HDAC8: variants seen among roughly 807,000 people sequenced by gnomAD.
HDAC8 encodes the protein histone deacetylase-like 1.
A neutral mutation model predicts 32.2 loss-of-function variants in HDAC8; 1 was observed. The ratio of observed to expected loss-of-function variants is 0.03; its 90% CI spans 0.01 to 0.15. The LOEUF (loss-of-function observed/expected upper bound fraction) is 0.15. Ranked by LOEUF, HDAC8 falls within the 10% of genes least tolerant of loss-of-function variation. HDAC8 has a pLI of 1.00. For synonymous variants in HDAC8, 108 were observed against 113.9 expected (o/e 0.95, Z 0.33); for missense variants, 117 against 300.0 (o/e 0.39, Z 4.51).
chrX:72,482,385 T>G (rs2048535073), intron 7 of HDAC8, among the ~76,000 whole-genome samples: 1 of 112,289 alleles, frequency 8.9e-6, no homozygotes, highest in South Asian at 3.7e-4. Flanking sequence ...TTTTACAGAA[T>G]CTGCATGTTT....
chrX:72,335,953 A>C (rs917519322), intron 10 of HDAC8, among the ~76,000 whole-genome samples: 4 of 109,944 alleles, frequency 3.6e-5, no homozygotes, highest in South Asian at 4.0e-4. Context: ...CAACAACAAC[A>C]ACCCAAACAA....
Position 72,462,105 on chromosome X carries a change from C to A in HDAC8, c.911-7G>T. The A allele has an allele frequency of 8.5e-7, 1 of 1,176,715 alleles. No homozygotes were observed. The highest frequency in any genetic ancestry group is 1.2e-6 in the Non-Finnish European group (1 of 865,299). ...TTGGCAAGGTTATAGCCTCCTGTCT[C>A]CATCAAGAATTGTGAAGTTAGGAAA... On this transcript the variant is annotated splice_region_variant and splice_polypyrimidine_tract_variant and intron_variant, in intron 8 of 10. Transcript: ENST00000373573.
chrX:72,350,743 G>A (rs782646554), intron 10 of HDAC8, among the ~76,000 whole-genome samples: 39 of 112,506 alleles, frequency 3.5e-4, no homozygotes, highest in Non-Finnish European at 6.2e-4. Context: ...CAGAGGGGGC[G>A]CTACTAGAAT....
chrX:72,400,193 C>G (rs1295713744), intron 9 of HDAC8, among the ~76,000 whole-genome samples: 2 of 111,561 alleles, frequency 1.8e-5, no homozygotes, highest in African/African-American at 6.5e-5. Flanking sequence ...CTCTAGATAT[C>G]TTCTCTTCTC....
chrX:72,439,425 C>T (rs1425666862), intron 9 of HDAC8, among the ~76,000 whole-genome samples: 1 of 110,786 alleles, frequency 9.0e-6, no homozygotes, highest in Non-Finnish European at 1.9e-5. Context: ...CAATAACCAG[C>T]TAGCATCATA....
chrX:72,516,039 C>T (rs1556024843), intron 4 of HDAC8, among the ~76,000 whole-genome samples: 3 of 111,800 alleles, frequency 2.7e-5, no homozygotes, highest in Admixed American at 9.4e-5. Context: ...GCTTGTAGGC[C>T]ACTGCAAGGA....
At chrX:72,403,967 G>C (rs2045973839) in intron 9 of HDAC8, among the ~76,000 whole-genome samples, 1 of 109,956 alleles carries the variant, frequency 9.1e-6, no homozygotes, top group African/African-American at 3.3e-5. Flanking sequence ...TGTACCCCTT[G>C]AATTTAAAAT....
chrX:72,441,740 C>T (rs1310798868), intron 9 of HDAC8, among the ~76,000 whole-genome samples: 7 of 111,740 alleles, frequency 6.3e-5, no homozygotes, highest in African/African-American at 2.3e-4. Context: ...CTACTCCCAG[C>T]TACAGGAGGA....
chrX:72,485,161 T>C (rs2048630337), intron 7 of HDAC8, among the ~76,000 whole-genome samples: 1 of 111,471 alleles, frequency 9.0e-6, no homozygotes, highest in African/African-American at 3.3e-5. Context: ...GGCTTCCATT[T>C]GAAGGAGGAG....
chrX:72,405,000 C>A (rs1423399171), intron 9 of HDAC8, among the ~76,000 whole-genome samples: 1 of 110,651 alleles, frequency 9.0e-6, no homozygotes, highest in Non-Finnish European at 1.9e-5. Context: ...GTTCAGGGTA[C>A]AAGTGCAGGT....
intron 9 of HDAC8, among the ~76,000 whole-genome samples, chrX:72,421,444 A>C (rs1555973575): frequency 1.8e-5 from 2 of 111,451 alleles, no homozygotes; most frequent in Non-Finnish European, 3.8e-5. Context: ...TGGGGAAAAA[A>C]GTGAGAACAT....
At chrX:72,468,430 C>G (rs781794175) in intron 7 of HDAC8, among the ~76,000 whole-genome samples, 3 of 111,274 alleles carry the variant, frequency 2.7e-5, no homozygotes, top group Non-Finnish European at 5.7e-5. Context: ...GTGCCAATTC[C>G]TCCAGAATTC....
chrX:72,428,310 T>C (rs2046710541), intron 9 of HDAC8, among the ~76,000 whole-genome samples: 1 of 112,208 alleles, frequency 8.9e-6, no homozygotes, highest in South Asian at 3.7e-4. Flanking sequence ...GTCAGGCCGG[T>C]CTCGAACTCC....
At chrX:72,394,130 A>T (rs782047628) in intron 9 of HDAC8, among the ~76,000 whole-genome samples, 59 of 111,689 alleles carry the variant, frequency 5.3e-4, no homozygotes, top group Non-Finnish European at 8.9e-4. Context: ...ATATAAACAC[A>T]AGGGTTTTTA....
intron 9 of HDAC8, among the ~76,000 whole-genome samples, chrX:72,426,648 T>C (rs2046647458): frequency 9.0e-6 from 1 of 111,585 alleles, no homozygotes; most frequent in Non-Finnish European, 1.9e-5. Context: ...AAATGGCATT[T>C]ATCATAATTC....
At chrX:72,340,410 T>C (rs782784517) in intron 10 of HDAC8, among the ~76,000 whole-genome samples, 14 of 112,006 alleles carry the variant, frequency 1.2e-4, no homozygotes, top group Non-Finnish European at 1.7e-4. Flanking sequence ...ATAATGGGAA[T>C]AGCAGTGGTA....
chrX:72,379,490 G>GTTTTTTTTTTTT (rs1191306787), intron 9 of HDAC8, among the ~76,000 whole-genome samples: 1 of 38,895 alleles, frequency 2.6e-5, no homozygotes, highest in African/African-American at 1.1e-4. Context: ...TTTGTTTAGT[G>GTTTTTTTTTTTT]TTTTTTTTTT....
chrX:72,519,314 T>C (rs1372010729), intron 4 of HDAC8, among the ~76,000 whole-genome samples: 12 of 112,055 alleles, frequency 1.1e-4, no homozygotes, highest in Non-Finnish European at 1.9e-5. Flanking sequence ...ACTGGGTAGA[T>C]ACCTAGGAGT....
chrX:72,381,903 G>T (rs1162597292), intron 9 of HDAC8, among the ~76,000 whole-genome samples: 1 of 112,239 alleles, frequency 8.9e-6, no homozygotes, highest in African/African-American at 3.2e-5. Flanking sequence ...GCTGTCCCTT[G>T]CCAGAAGCAA....
Sources: gnomAD v4.1 joint callset for allele counts (sites outside exome capture counted in the v4.1 genomes callset) on GRCh38, gnomAD v4.1.1 for gene constraint, MANE v1.5 for transcripts, NCBI Gene and HGNC (gene_info 2026-07-23, HGNC 2026-07-21) for gene names.